The following SPTBN1 variants were observed in gnomAD, a reference collection of about 807,000 sequenced individuals.
SPTBN1 encodes spectrin beta chain, non-erythrocytic 1.
In SPTBN1, 32 loss-of-function variants were observed where a neutral mutation model predicts 266.4. The ratio of observed to expected loss-of-function variants is 0.12; its 90% CI spans 0.09 to 0.16. The LOEUF (loss-of-function observed/expected upper bound fraction) is 0.16, where lower values mean the gene tolerates loss of function less well. Among genes scored for constraint, SPTBN1 ranks in the 10% least tolerant of loss-of-function variants. The pLI is 1.00. For missense variants in SPTBN1, 2,296 were observed against 3,067.1 expected, an observed-to-expected ratio of 0.75 and a Z score of 5.94; for synonymous variants, 1,336 against 1,162.2, an observed-to-expected ratio of 1.15 and a Z score of -3.04.
intron 1 of SPTBN1, among the ~76,000 whole-genome samples, chr2:54,470,237 A>T (rs1212326339): frequency 7.5e-6 from 1 of 133,478 alleles, no homozygotes; most frequent in East Asian, 2.0e-4. Context: ...TGTCATTTGA[A>T]TTTTTTATAT....
At chr2:54,537,029 T>A (rs745867260) in intron 2 of SPTBN1, among the ~76,000 whole-genome samples, 31 of 152,218 alleles carry the variant, frequency 2.0e-4, no homozygotes, top group Non-Finnish European at 1.3e-4. Context: ...CAAGACCCTG[T>A]CTTTAAAAAA....
chr2:54,457,285 G>C (rs907120832), intron 1 of SPTBN1: 5 of 152,114 alleles, frequency 3.3e-5, no homozygotes, highest in Non-Finnish European at 5.9e-5. Context: ...TCTCAGCGCA[G>C]GGACCCTCCG....
At chr2:54,659,911 C>T (rs1680922948) in intron 31 of SPTBN1, 25 bp from the exon 32 acceptor site, 1 of 1,608,676 alleles carries the variant, frequency 6.2e-7, no homozygotes, top group South Asian at 1.1e-5. Flanking sequence ...CTTTCCCTTC[C>T]TCCTTTTCCC....
At chr2:54,471,460 T>A (rs970601758) in intron 1 of SPTBN1, among the ~76,000 whole-genome samples, 1 of 149,430 alleles carries the variant, frequency 6.7e-6, no homozygotes, top group Non-Finnish European at 1.5e-5. Context: ...CTCCATTCAC[T>A]CAGATGGTGG....
chr2:54,659,515 GCA>G (rs983057937), intron 31 of SPTBN1, among the ~76,000 whole-genome samples: 18 of 152,278 alleles, frequency 1.2e-4, no homozygotes, highest in African/African-American at 3.8e-4. Context: ...CATCCTGTGT[GCA>G]CACACACAGG....
chr2:54,548,337 C>T (rs987149034), intron 2 of SPTBN1, among the ~76,000 whole-genome samples: 2 of 152,146 alleles, frequency 1.3e-5, no homozygotes, highest in Non-Finnish European at 2.9e-5. Flanking sequence ...CTACACTGGG[C>T]TGGAAAGATG....
chr2:54,578,981 C>T (rs1282256648), intron 2 of SPTBN1, among the ~76,000 whole-genome samples: 1 of 152,038 alleles, frequency 6.6e-6, no homozygotes, highest in Non-Finnish European at 1.5e-5. Context: ...ACCATTTTTC[C>T]CAAGAAATTT....
chr2:54,560,509 A>C (rs1673226483), intron 2 of SPTBN1, among the ~76,000 whole-genome samples: 2 of 152,210 alleles, frequency 1.3e-5, no homozygotes, highest in African/African-American at 4.8e-5. Context: ...TGGAGCCTAC[A>C]CACAGGAAAT....
intron 2 of SPTBN1, among the ~76,000 whole-genome samples, chr2:54,560,617 C>G (rs926690272): frequency 3.9e-5 from 6 of 152,166 alleles, no homozygotes; most frequent in African/African-American, 1.4e-4. Context: ...AAGGAAATCC[C>G]TTCGAAAGGG....
intron 1 of SPTBN1, among the ~76,000 whole-genome samples, chr2:54,514,873 G>A (rs1015640538): frequency 2.6e-5 from 4 of 152,180 alleles, no homozygotes; most frequent in African/African-American, 9.7e-5. Context: ...GAGGGACTTA[G>A]TTTGTAGTTT....
At chr2:54,666,234 C>T (rs1681360222) in intron 34 of SPTBN1, 146 bp downstream of exon 34, 1 of 893,740 alleles carries the variant, frequency 1.1e-6, no homozygotes, top group South Asian at 1.9e-5. Context: ...ACCAGTTTGG[C>T]ACGTGTCTCG....
rs754667346 is a variant in SPTBN1, at chr2:54,645,460, C to T, written c.4494+7C>T. The T allele has an allele frequency of 6.8e-6, 11 of 1,613,546 alleles. No individual in the cohort carries two copies. The highest frequency in any genetic ancestry group is 6.7e-5 in the African/African-American group (5 of 75,030). On this transcript the variant is annotated splice_region_variant and intron_variant, in intron 21 of 35. Coordinates refer to ENST00000356805, the MANE Select transcript of SPTBN1 (RefSeq NM_003128.3). The surrounding 1 kb of genome is among the most constrained non-coding windows in gnomAD (Gnocchi z 4.3). Reference sequence around the variant, plus strand: ...GGATGTGGAGGACGAGATCGTGAGTCGACCCCTACTGCACACATGGCTTTT... The same window carrying T: ...GGATGTGGAGGACGAGATCGTGAGTTGACCCCTACTGCACACATGGCTTTT...
intron 2 of SPTBN1, among the ~76,000 whole-genome samples, chr2:54,570,936 G>A (rs1415411931): frequency 6.6e-6 from 1 of 152,144 alleles, no homozygotes; most frequent in African/African-American, 2.4e-5. Flanking sequence ...ATAAAGTCTA[G>A]TGCAAAGTGT....
intron 1 of SPTBN1, among the ~76,000 whole-genome samples, chr2:54,509,892 T>G (rs1669760320): frequency 6.6e-6 from 1 of 151,966 alleles, no homozygotes; most frequent in African/African-American, 2.4e-5. Context: ...TCACCTGGCC[T>G]TTTCTTTGTG....
rs767716779 is a variant in SPTBN1, at chr2:54,623,468, C to G, written c.1065-11C>G. 1 of 1,612,346 alleles carries G rather than the reference C, an allele frequency of 6.2e-7. No homozygotes were observed. The highest frequency in any genetic ancestry group is 8.5e-7 in the Non-Finnish European group (1 of 1,178,822). On this transcript the variant is annotated splice_polypyrimidine_tract_variant and intron_variant, in intron 9 of 35. Transcript: ENST00000356805. ...CTCCAGTACCAAATGAATGTTTTCC[C>G]CTGTGTTTAGATTTACTGAGAAGGG...
At chr2:54,496,439 T>TAA (rs10623542) in intron 1 of SPTBN1, among the ~76,000 whole-genome samples, 59,587 of 125,758 alleles carry the variant, frequency 0.47, 14,276 homozygotes, top group Admixed American at 0.51. Flanking sequence ...CTCCGTGTCT[T>TAA]AAAAAAAAAA....
At chr2:54,532,144 C>T (rs1433590986) in intron 2 of SPTBN1, among the ~76,000 whole-genome samples, 3 of 152,044 alleles carry the variant, frequency 2.0e-5, no homozygotes, top group East Asian at 1.9e-4. Flanking sequence ...AAAAAATTAG[C>T]TGGGCGTGGT....
intron 16 of SPTBN1, among the ~76,000 whole-genome samples, chr2:54,632,067 C>T (rs1197414267): frequency 6.9e-6 from 1 of 145,090 alleles, no homozygotes; most frequent in Non-Finnish European, 1.5e-5. Flanking sequence ...CAGGGTGAGA[C>T]CCTGTCTCTT....
intron 1 of SPTBN1, among the ~76,000 whole-genome samples, chr2:54,512,240 A>T (rs955028994): frequency 6.6e-6 from 1 of 152,212 alleles, no homozygotes; most frequent in Non-Finnish European, 1.5e-5. Flanking sequence ...TGTTAAAATG[A>T]TAATTATTTG....
Sources: allele counts gnomAD v4.1 joint callset (sites outside exome capture counted in the v4.1 genomes callset), GRCh38; gene constraint gnomAD v4.1.1; non-coding constraint Gnocchi (gnomAD v3.1); transcripts MANE v1.5; gene names NCBI Gene and HGNC (gene_info 2026-07-23, HGNC 2026-07-21).